RELN: variants seen among roughly 807,000 people sequenced by gnomAD.
RELN encodes reelin.
A neutral mutation model predicts 427.6 loss-of-function variants in RELN; 108 were observed. That is an observed-to-expected ratio of 0.25 (90% confidence interval 0.22 to 0.30). The LOEUF is 0.30. Ranked by LOEUF, RELN falls within the 10% of genes least tolerant of loss-of-function variation. RELN has a pLI of 1.00. For missense variants in RELN, 3,715 were observed against 4,302.8 expected, an observed-to-expected ratio of 0.86 and a Z score of 3.82; for synonymous variants, 1,524 against 1,513.4, an observed-to-expected ratio of 1.01 and a Z score of -0.16.
chr7:103,547,850 T>C (rs1830333691), intron 41 of RELN, among the ~76,000 whole-genome samples: 1 of 152,204 alleles, frequency 6.6e-6, no homozygotes, highest in African/African-American at 2.4e-5. Context: ...TATTGTTCAC[T>C]TGCCTTGACA....
intron 3 of RELN, among the ~76,000 whole-genome samples, chr7:103,826,188 G>T (rs1466695788): frequency 2.0e-5 from 3 of 151,948 alleles, no homozygotes; most frequent in African/African-American, 4.8e-5. Flanking sequence ...ACAGGAAGAA[G>T]TCCCTCATCA....
chr7:103,764,834 CAAAA>C (rs545236187), intron 4 of RELN, among the ~76,000 whole-genome samples: 2 of 52,580 alleles, frequency 3.8e-5, no homozygotes, highest in Non-Finnish European at 8.9e-5. Context: ...AGACTCCTCT[CAAAA>C]AAAAAAAAAA....
chr7:103,874,361 A>G (rs1794425658), intron 2 of RELN, among the ~76,000 whole-genome samples: 1 of 140,804 alleles, frequency 7.1e-6, no homozygotes, highest in Non-Finnish European at 1.6e-5. Context: ...GACCAGGGCA[A>G]TTAGGCAGGA....
At chr7:103,724,602 T>C (rs890324176) in intron 7 of RELN, among the ~76,000 whole-genome samples, 3 of 152,168 alleles carry the variant, frequency 2.0e-5, no homozygotes, top group African/African-American at 7.2e-5. Flanking sequence ...TGACCTCTGC[T>C]AGCGAACAGC....
intron 2 of RELN, among the ~76,000 whole-genome samples, chr7:103,859,939 A>G (rs552281208): frequency 8.2e-4 from 125 of 152,342 alleles, no homozygotes; most frequent in African/African-American, 2.9e-3. Flanking sequence ...CATGTTCACA[A>G]TGACAACAAT....
intron 61 of RELN, among the ~76,000 whole-genome samples, chr7:103,485,446 A>G (rs1828402967): frequency 6.6e-6 from 1 of 152,200 alleles, no homozygotes; most frequent in South Asian, 2.1e-4. Context: ...ATTCTCAAAT[A>G]TTCTCATAGC....
Position 103,833,552 on chromosome 7 carries a change from C to T in RELN, c.458G>A (p.Gly153Asp). 1.9e-6 allele frequency: 3 copies of T among 1,614,030 alleles called. No individual in the cohort carries two copies. Among genetic ancestry groups the T allele is most frequent in the East Asian group, 2.2e-5 (1 of 44,864 alleles). ...GGGTACTTACATGAAATTCACACAG[C>T]CTGTGCCCGCAGGTGGAGCAATCCA... is the stretch of plus-strand genomic sequence containing the variant. ...FIWIAPPAGT[G>D]CVNFMATATH... The change falls in exon 3 of 65, where the codon GGC becomes GAC. Residue 153 changes from glycine (G) to aspartate (D), a missense_variant. Around this residue, in one of 4 missense-constraint regions of RELN, gnomAD observed 2,208 missense variants for 2,361.7 expected, o/e 0.93. Transcript: ENST00000428762.
chr7:103,932,181 A>G (rs753418075), intron 1 of RELN, among the ~76,000 whole-genome samples: 1 of 152,254 alleles, frequency 6.6e-6, no homozygotes, highest in Non-Finnish European at 1.5e-5. Context: ...TATGGTACAT[A>G]CACACCATGG....
rs534482523 is a variant in RELN at position 103,540,541 on chromosome 7, G to A, written c.6672-86C>T. The A allele has an allele frequency of 1.9e-4, 257 of 1,333,506 alleles. 1 individual carries two copies. The South Asian group carries it at 2.9e-3, about 15-fold the overall frequency. 82.6% of individuals were successfully genotyped at this position (1,333,506 alleles called of 1,614,324 possible). ...ACAGACAAGCACATGGGGTAATGCA[G>A]GGGAACGAAAGGCCTCAATAAATAT... On this transcript the variant is annotated intron_variant, in intron 43 of 64. Coordinates refer to ENST00000428762, the MANE Select transcript of RELN (RefSeq NM_005045.4).
intron 2 of RELN, among the ~76,000 whole-genome samples, chr7:103,877,730 C>T (rs947123997): frequency 6.6e-6 from 1 of 152,134 alleles, no homozygotes; most frequent in Non-Finnish European, 1.5e-5. Context: ...TCCATCTCTT[C>T]TCCAGCCATC....
chr7:103,477,783 T>G (rs2116960316), intron 64 of RELN, among the ~76,000 whole-genome samples: 1 of 152,324 alleles, frequency 6.6e-6, no homozygotes, highest in African/African-American at 2.4e-5. Context: ...CTTCTTAAAT[T>G]TTAAAGAATC....
At chr7:103,540,960 G>C (rs550818590) in intron 43 of RELN, among the ~76,000 whole-genome samples, 3 of 152,296 alleles carry the variant, frequency 2.0e-5, no homozygotes, top group African/African-American at 7.2e-5. Context: ...GCTTTGGGAG[G>C]CACATTTAAA....
intron 41 of RELN, among the ~76,000 whole-genome samples, chr7:103,550,644 A>G (rs1271208516): frequency 6.7e-6 from 1 of 148,810 alleles, no homozygotes; most frequent in Non-Finnish European, 1.5e-5. Context: ...ATGAGACACC[A>G]GGAATATTCT....
rs1438440938 is a variant in RELN at position 103,603,100 on chromosome 7, AT to A, written c.3333+203del. ...AGAAGTTTTAAACTGGCTTAACCTG[AT>A]TTTTTAGTAACCAAAAAGAGTAATA... is the stretch of plus-strand genomic sequence containing the variant. On this transcript the variant is annotated intron_variant, in intron 24 of 64. Coordinates refer to ENST00000428762, the MANE Select transcript of RELN (RefSeq NM_005045.4). This position sits in a 1 kb window ranked among gnomAD's most constrained non-coding sequence, Gnocchi z 4.3. Among the ~76,000 whole-genome samples the A allele has an allele frequency of 6.6e-6, 1 of 152,232 alleles. No individual in the cohort carries two copies. The highest frequency in any genetic ancestry group is 1.5e-5 in the Non-Finnish European group (1 of 68,036).
chr7:103,694,433 C>T (rs1833934616), intron 10 of RELN, among the ~76,000 whole-genome samples: 1 of 151,698 alleles, frequency 6.6e-6, no homozygotes. Context: ...AACACAGCAT[C>T]TTCTTTACAG....
chr7:103,794,847 C>T (rs1330877242), intron 3 of RELN, among the ~76,000 whole-genome samples: 1 of 152,026 alleles, frequency 6.6e-6, no homozygotes, highest in Admixed American at 6.6e-5. Context: ...TCAAATGTCC[C>T]CTGGGAGCAT....
intron 3 of RELN, among the ~76,000 whole-genome samples, chr7:103,818,926 A>G (rs1792948939): frequency 6.6e-6 from 1 of 152,076 alleles, no homozygotes; most frequent in Non-Finnish European, 1.5e-5. Flanking sequence ...TTTTTTTAAA[A>G]AAAGCTAGAT....
chr7:103,881,682 C>T (rs1794610215), intron 2 of RELN, among the ~76,000 whole-genome samples: 3 of 152,060 alleles, frequency 2.0e-5, no homozygotes, highest in African/African-American at 7.2e-5. Flanking sequence ...GCCATTCCAG[C>T]AGAGACACCA....
At chr7:103,546,607 T>C (rs1209580842) in intron 41 of RELN, among the ~76,000 whole-genome samples, 1 of 152,266 alleles carries the variant, frequency 6.6e-6, no homozygotes, top group Non-Finnish European at 1.5e-5. Context: ...ATTTCCATTA[T>C]TATAGTTATC....
Sources: allele counts gnomAD v4.1 joint callset (sites outside exome capture counted in the v4.1 genomes callset), GRCh38; gene constraint gnomAD v4.1.1; regional missense constraint gnomAD v4.1.1; non-coding constraint Gnocchi (gnomAD v3.1); transcripts MANE v1.5; gene names NCBI Gene and HGNC (gene_info 2026-07-23, HGNC 2026-07-21).